KCNJ1: variants seen among roughly 807,000 people sequenced by gnomAD.
KCNJ1 encodes the protein potassium inwardly rectifying channel subfamily J member 1, also known as ATP-sensitive inward rectifier potassium channel 1.
In KCNJ1, 24 loss-of-function variants were observed where a neutral mutation model predicts 21.9. The ratio of observed to expected loss-of-function variants is 1.10; its 90% CI spans 0.79 to 1.54. The LOEUF (loss-of-function observed/expected upper bound fraction) is 1.54, where lower values mean the gene tolerates loss of function less well. Among genes scored for constraint, KCNJ1 ranks in the 40% most tolerant of loss-of-function variants. The pLI, the probability that KCNJ1 is intolerant of heterozygous loss-of-function variation, is 0.00. For missense variants in KCNJ1, 457 were observed against 455.4 expected (o/e 1.00, Z -0.03); for synonymous variants, 152 against 160.9 (o/e 0.94, Z 0.42).
rs142091896 is a variant in KCNJ1, at chr11:128,838,618, G to A, written c.*507C>T. On this transcript the variant is annotated 3_prime_UTR_variant, in exon 3 of 3. Transcript: ENST00000392666. ...GCCTCAAATTGTTCTTTGTGTAAGC[G>A]TTTTCTTGTCATTGATTGGTTGGTT... 348 of 155,394 alleles carry A rather than the reference G, an allele frequency of 2.2e-3. No individual in the cohort carries two copies. The highest frequency in any genetic ancestry group is 7.4e-3 in the African/African-American group (294 of 39,554). 9.6% of individuals were successfully genotyped at this position (155,394 alleles called of 1,614,324 possible). A position where few individuals can be genotyped will look rare whatever the true frequency, so the allele number is the denominator to read the frequency against.
rs1565522472 is a variant in KCNJ1, at chr11:128,839,939, C to T, written c.305G>A (p.Cys102Tyr). The change falls in exon 3 of 3, where the codon TGT becomes TAT. Residue 102 changes from cysteine to tyrosine, a missense_variant. Coordinates refer to ENST00000392666, the MANE Select transcript of KCNJ1 (RefSeq NM_153766.3). ...EFHPSANHTP[C>Y]VENINGLTSA... ...GGTCAAGCCATTAATATTCTCCACA[C>T]AGGGAGTGTGATTGGCAGAAGGATG... 1 of 1,614,162 alleles carries T rather than the reference C, an allele frequency of 6.2e-7. No individual in the cohort carries two copies. Among genetic ancestry groups the T allele is most frequent in the Non-Finnish European group, 8.5e-7 (1 of 1,180,010 alleles).
rs763309370 is a variant in KCNJ1, at chr11:128,839,712, T to C, written c.532A>G (p.Asn178Asp). 5 of 1,613,508 alleles carry C rather than the reference T, an allele frequency of 3.1e-6. No homozygotes were observed. In the Admixed American group the frequency reaches 8.3e-5, roughly 27 times the overall value. ...KRAKTITFSKNAVISKRGGKL... is the reference protein window; with the variant it reads ...KRAKTITFSKDAVISKRGGKL... Reference sequence around the variant, plus strand: ...CCTCCCCGTTTGCTGATCACTGCGTTCTTGCTGAACGTAATGGTCTTGGCA... The same window carrying C: ...CCTCCCCGTTTGCTGATCACTGCGTCCTTGCTGAACGTAATGGTCTTGGCA... Residue 178 changes from asparagine (N) to aspartate (D), a missense_variant, in exon 3 of 3, where the codon AAC (asparagine) becomes GAC (aspartate). Coordinates refer to ENST00000392666, the MANE Select transcript of KCNJ1 (RefSeq NM_153766.3).
chr11:128,842,082 A>G (rs1943292249), intron 2 of KCNJ1, among the ~76,000 whole-genome samples: 1 of 152,238 alleles, frequency 6.6e-6, no homozygotes, highest in Non-Finnish European at 1.5e-5. Flanking sequence ...AGTGACTCTC[A>G]GCTCAAATAG....
At chr11:128,842,546 CACTT>C (rs1943301840) in intron 2 of KCNJ1, 2 of 1,546,888 alleles carry the variant, frequency 1.3e-6, no homozygotes, top group East Asian at 2.3e-5. Flanking sequence ...AACTTGGAAA[CACTT>C]AATTTGATAG....
At chr11:128,858,795 C>T (rs1424275853) in intron 1 of KCNJ1, among the ~76,000 whole-genome samples, 2 of 152,202 alleles carry the variant, frequency 1.3e-5, no homozygotes, top group African/African-American at 4.8e-5. Context: ...TCCAAGTTCA[C>T]AGAGCTAGAA....
chr11:128,854,944 G>A (rs1037181025), intron 1 of KCNJ1, among the ~76,000 whole-genome samples: 8 of 152,306 alleles, frequency 5.3e-5, no homozygotes, highest in African/African-American at 1.4e-4. Context: ...TGGAGCGCAC[G>A]TGCAGGCTCC....
intron 1 of KCNJ1, among the ~76,000 whole-genome samples, chr11:128,860,520 C>T (rs1307204932): frequency 1.3e-5 from 2 of 152,194 alleles, no homozygotes; most frequent in East Asian, 1.9e-4. Flanking sequence ...AGTCTCTGTG[C>T]CGTCACTAAG....
intron 2 of KCNJ1, among the ~76,000 whole-genome samples, chr11:128,847,146 C>G (rs1565525545): frequency 6.6e-6 from 1 of 152,162 alleles, no homozygotes; most frequent in East Asian, 1.9e-4. Context: ...TAATCCAGAG[C>G]AAAGCATTGC....
At chr11:128,840,377 A>T in intron 2 of KCNJ1, 113 bp from the exon 3 acceptor site, 1 of 1,041,402 alleles carries the variant, frequency 9.6e-7, no homozygotes, top group Non-Finnish European at 1.4e-6. Context: ...TATCTGGGTT[A>T]CTAATCATTT....
chr11:128,850,921 C>G, intron 1 of KCNJ1, 31 bp from the exon 2 acceptor site: 1 of 978,674 alleles, frequency 1.0e-6, no homozygotes, highest in Non-Finnish European at 1.2e-6. Flanking sequence ...TGGCTACTGT[C>G]TGGAGACAGA....
At chr11:128,854,356 C>A (rs145492729) in intron 1 of KCNJ1, among the ~76,000 whole-genome samples, 2,116 of 152,260 alleles carry the variant, frequency 0.014, 18 homozygotes, top group South Asian at 0.025. Context: ...GAGTCAGCAG[C>A]GCGGATGTTC....
intron 1 of KCNJ1, among the ~76,000 whole-genome samples, chr11:128,855,182 T>C (rs1943564799): frequency 6.6e-6 from 1 of 152,214 alleles, no homozygotes; most frequent in Non-Finnish European, 1.5e-5. Context: ...TCTTTCCTTT[T>C]CTTTTCTTTT....
At chr11:128,841,951 G>C (rs1275290580) in intron 2 of KCNJ1, among the ~76,000 whole-genome samples, 1 of 152,196 alleles carries the variant, frequency 6.6e-6, no homozygotes, top group Non-Finnish European at 1.5e-5. Flanking sequence ...GTGAGGTACA[G>C]AGAAGGAAAT....
In KCNJ1 at chr11:128,839,150, T is replaced by C. The variant is rs193920958; in HGVS notation, c.1094A>G (p.Asn365Ser). ...DNPNFILSEV[N>S]ETDDTKM ...TTACATTTTGGTGTCATCTGTTTCA[T>C]TGACTTCTGACAAGATGAAGTTGGG... The change falls in exon 3 of 3, where the codon AAT becomes AGT. Residue 365 changes from asparagine to serine, a missense_variant. Asn to Ser is a conservative substitution (Grantham distance 46). Coordinates refer to ENST00000392666, the MANE Select transcript of KCNJ1 (RefSeq NM_153766.3). The C allele has an allele frequency of 1.9e-6, 3 of 1,614,076 alleles. No individual in the cohort carries two copies. Among genetic ancestry groups the C allele is most frequent in the Non-Finnish European group, 2.5e-6 (3 of 1,180,014 alleles).
chr11:128,842,294 A>C, intron 2 of KCNJ1: 1 of 1,405,820 alleles, frequency 7.1e-7, no homozygotes, highest in South Asian at 1.2e-5. Context: ...TGATCACTTG[A>C]ATAACGTTGA....
chr11:128,846,291 G>C (rs1383098247), intron 2 of KCNJ1, among the ~76,000 whole-genome samples: 1 of 152,186 alleles, frequency 6.6e-6, no homozygotes, highest in Non-Finnish European at 1.5e-5. Context: ...CTCAAACATT[G>C]TTGTATGATT....
chr11:128,847,909 T>C (rs1411894859), intron 2 of KCNJ1, among the ~76,000 whole-genome samples: 2 of 152,158 alleles, frequency 1.3e-5, no homozygotes, highest in Non-Finnish European at 2.9e-5. Flanking sequence ...CACTCTGTCA[T>C]CCAGATTGGA....
In KCNJ1 at chr11:128,839,707, T is replaced by G; in HGVS notation, c.537A>C (p.Ala179=). 1 of 1,613,376 alleles carries G rather than the reference T, an allele frequency of 6.2e-7. No individual in the cohort carries two copies. The highest frequency in any genetic ancestry group is 1.1e-5 in the South Asian group (1 of 91,078). ...RAKTITFSKN[A]VISKRGGKLC... ...GCTTCCCTCCCCGTTTGCTGATCAC[T>G]GCGTTCTTGCTGAACGTAATGGTCT... is the stretch of plus-strand genomic sequence containing the variant. The change falls in exon 3 of 3, where the codon GCA becomes GCC. Residue 179 remains alanine, a synonymous_variant. Coordinates refer to ENST00000392666, the MANE Select transcript of KCNJ1 (RefSeq NM_153766.3).
At chr11:128,858,443 AG>A (rs2135957764) in intron 1 of KCNJ1, among the ~76,000 whole-genome samples, 1 of 152,256 alleles carries the variant, frequency 6.6e-6, no homozygotes, top group Admixed American at 6.5e-5. Flanking sequence ...GGCAACAGCT[AG>A]GGTTTGTTGA....
Sources: gnomAD v4.1 joint callset for allele counts (sites outside exome capture counted in the v4.1 genomes callset) on GRCh38, gnomAD v4.1.1 for gene constraint, MANE v1.5 for transcripts, NCBI Gene and HGNC (gene_info 2026-07-23, HGNC 2026-07-21) for gene names.